GRM7: variants seen among roughly 807,000 people sequenced by gnomAD.
GRM7 encodes metabotropic glutamate receptor 7.
A neutral mutation model predicts 84.5 loss-of-function variants in GRM7; 35 were observed. That is an observed-to-expected ratio of 0.41 (90% CI 0.32 to 0.55). The LOEUF (loss-of-function observed/expected upper bound fraction) is 0.55, where lower values mean the gene tolerates loss of function less well. Ranked by LOEUF, GRM7 falls within the 20% of genes least tolerant of loss-of-function variation. The probability of loss-of-function intolerance (pLI) is 0.19; values close to 1 mark genes in which losing one functional copy is unlikely to be tolerated. For synonymous variants in GRM7, 487 were observed against 455.1 expected, an observed-to-expected ratio of 1.07 and a Z score of -0.89; for missense variants, 1,003 against 1,194.6, an observed-to-expected ratio of 0.84 and a Z score of 2.36.
intron 8 of GRM7, among the ~76,000 whole-genome samples, chr3:7,671,258 G>T (rs1161010868): frequency 6.6e-6 from 1 of 152,024 alleles, no homozygotes; most frequent in African/African-American, 2.4e-5. Flanking sequence ...CCACCAAGAC[G>T]GTCTGCAGCT....
intron 2 of GRM7, among the ~76,000 whole-genome samples, chr3:7,193,758 A>AT (rs1426144589): frequency 2.0e-5 from 3 of 152,002 alleles, no homozygotes; most frequent in African/African-American, 7.2e-5. Context: ...TAAAAACAGT[A>AT]TTTTCAGAAG....
At chr3:7,701,370 G>A (rs1414351216) in intron 9 of GRM7, among the ~76,000 whole-genome samples, 1 of 144,596 alleles carries the variant, frequency 6.9e-6, no homozygotes, top group Non-Finnish European at 1.5e-5. Flanking sequence ...GCACGATCTC[G>A]GCTCACTACA....
chr3:6,914,791 C>A (rs930136452), intron 1 of GRM7, among the ~76,000 whole-genome samples: 5 of 151,968 alleles, frequency 3.3e-5, no homozygotes, highest in African/African-American at 1.2e-4. Context: ...TAGTATTTTG[C>A]CATGTTTTTC....
chr3:7,393,387 T>G lies in GRM7; in HGVS notation c.1034-21636T>G, dbSNP rs958324019. 2.6e-5 allele frequency among the ~76,000 whole-genome samples: 4 copies of G among 152,140 alleles called. No homozygotes were observed. In the East Asian group the frequency reaches 7.7e-4, roughly 29 times the overall value. Reference sequence around the variant, plus strand: ...ATGAGGCCCTAGTGAGTCGAGGGTTTCTCCCATTGCCAAGATTGTAAAAGC... The same window carrying G: ...ATGAGGCCCTAGTGAGTCGAGGGTTGCTCCCATTGCCAAGATTGTAAAAGC... On this transcript the variant is annotated intron_variant, in intron 4 of 9. Transcript: ENST00000357716.
chr3:7,120,605 T>C (rs1189010251), intron 1 of GRM7, among the ~76,000 whole-genome samples: 4 of 152,146 alleles, frequency 2.6e-5, no homozygotes, highest in Admixed American at 1.3e-4. Context: ...CATATAGTTA[T>C]ATATATTGCC....
In GRM7 at chr3:7,739,470, T is replaced by G. The variant is rs537919579; in HGVS notation, c.2699-887T>G. On this transcript the variant is annotated intron_variant, in intron 9 of 9. Transcript: ENST00000357716. ...AAGTTACTCTGTGCCCAATAGAAACTGATGCAAAACTACCAAGATTTAGTG... is the reference window on the plus strand; with the variant it reads ...AAGTTACTCTGTGCCCAATAGAAACGGATGCAAAACTACCAAGATTTAGTG... Among the ~76,000 whole-genome samples, 8 of 152,296 alleles carry G rather than the reference T, an allele frequency of 5.3e-5. No homozygotes were observed. In the East Asian group the frequency reaches 1.5e-3, roughly 29 times the overall value.
intron 9 of GRM7, among the ~76,000 whole-genome samples, chr3:7,701,966 T>C (rs1701244281): frequency 6.6e-6 from 1 of 152,194 alleles, no homozygotes; most frequent in Non-Finnish European, 1.5e-5. Flanking sequence ...ACAATGGAGT[T>C]TCAATGCATG....
chr3:6,993,703 T>C (rs1694730810), intron 1 of GRM7, among the ~76,000 whole-genome samples: 1 of 152,202 alleles, frequency 6.6e-6, no homozygotes, highest in Admixed American at 6.5e-5. Flanking sequence ...GCTAAGCAAC[T>C]ATGTTGGTCT....
chr3:7,565,661 A>G (rs1694223993), intron 7 of GRM7, among the ~76,000 whole-genome samples: 1 of 152,206 alleles, frequency 6.6e-6, no homozygotes, highest in African/African-American at 2.4e-5. Context: ...ATGAAAAGTC[A>G]TTGATGATAT....
intron 1 of GRM7, among the ~76,000 whole-genome samples, chr3:7,111,223 C>G (rs1692839383): frequency 6.6e-6 from 1 of 152,018 alleles, no homozygotes; most frequent in Non-Finnish European, 1.5e-5. Context: ...GGATGGATTC[C>G]TAAATTAGGA....
At chr3:6,954,149 G>C (rs1037469988) in intron 1 of GRM7, among the ~76,000 whole-genome samples, 3 of 152,100 alleles carry the variant, frequency 2.0e-5, no homozygotes, top group African/African-American at 7.2e-5. Context: ...TTTGTTCTAT[G>C]CATAGAACGT....
At chr3:7,241,762 C>T (rs1357894022) in intron 2 of GRM7, among the ~76,000 whole-genome samples, 2 of 152,026 alleles carry the variant, frequency 1.3e-5, no homozygotes, top group Admixed American at 6.6e-5. Flanking sequence ...AGCAAAGTCC[C>T]GTGATTTCTC....
At chr3:7,388,559 T>G (rs1388895865) in intron 4 of GRM7, among the ~76,000 whole-genome samples, 1 of 152,116 alleles carries the variant, frequency 6.6e-6, no homozygotes, top group Non-Finnish European at 1.5e-5. Context: ...TGGCTATGAA[T>G]CTGTCTGGTC....
intron 1 of GRM7, among the ~76,000 whole-genome samples, chr3:7,007,103 A>G (rs915433668): frequency 1.3e-5 from 2 of 152,174 alleles, no homozygotes; most frequent in Non-Finnish European, 2.9e-5. Context: ...TTAAATTAGC[A>G]TTCTTAAATG....
intron 8 of GRM7, among the ~76,000 whole-genome samples, chr3:7,661,491 G>A (rs371906051): frequency 6.6e-6 from 1 of 152,060 alleles, no homozygotes; most frequent in Admixed American, 6.6e-5. Flanking sequence ...CTCATACACT[G>A]CTGATAAGAA....
intron 1 of GRM7, among the ~76,000 whole-genome samples, chr3:7,122,980 C>T (rs138501965): frequency 3.9e-5 from 6 of 152,140 alleles, no homozygotes; most frequent in Non-Finnish European, 1.5e-5. Context: ...GAAAAGGTCT[C>T]CTTTTCCCTG....
intron 8 of GRM7, among the ~76,000 whole-genome samples, chr3:7,600,466 C>G (rs1415225497): frequency 6.6e-6 from 1 of 152,030 alleles, no homozygotes; most frequent in African/African-American, 2.4e-5. Flanking sequence ...TCTTGGTAAG[C>G]AACACAAATG....
rs58123164 is a variant in GRM7 at position 7,360,137 on chromosome 3, C to CTGTG, written c.1033+53518_1033+53521dup. Among the ~76,000 whole-genome samples, 1,199 of 136,012 alleles carry CTGTG rather than the reference C, an allele frequency of 8.8e-3. 57 individuals carry two copies. Among genetic ancestry groups the CTGTG allele is most frequent in the Middle Eastern group, 0.015 (4 of 272 alleles). 89.2% of individuals were successfully genotyped at this position (136,012 alleles called of 152,430 possible). A position where few individuals can be genotyped will look rare whatever the true frequency, so the allele number is the denominator to read the frequency against. On this transcript the variant is annotated intron_variant, in intron 4 of 9. Coordinates refer to ENST00000357716, the MANE Select transcript of GRM7 (RefSeq NM_000844.4). The stretch of plus-strand genomic sequence containing the variant: ...CTTTCTCCCCCCCTTTTTTTTCCCT[C>CTGTG]TGTGTGTGTGTGTGTGTGTGTGTGT...
chr3:7,303,019 A>C (rs12490940), intron 3 of GRM7, among the ~76,000 whole-genome samples: 71,716 of 148,076 alleles, frequency 0.48, 18,761 homozygotes, highest in Non-Finnish European at 0.6. Flanking sequence ...CAGCTCACTG[A>C]AAGCTCCACC....
Sources: gnomAD v4.1 joint callset for allele counts (sites outside exome capture counted in the v4.1 genomes callset) on GRCh38, gnomAD v4.1.1 for gene constraint, MANE v1.5 for transcripts, NCBI Gene and HGNC (gene_info 2026-07-23, HGNC 2026-07-21) for gene names.